The following RAB3GAP1 variants were observed in gnomAD, a reference collection of about 807,000 sequenced individuals.
RAB3GAP1 encodes RAB3 GTPase activating protein catalytic subunit 1.
Under a neutral mutation model 130.7 loss-of-function variants are expected in RAB3GAP1, and 86 were observed. That is an observed-to-expected ratio of 0.66 (90% confidence interval 0.55 to 0.79). The LOEUF (loss-of-function observed/expected upper bound fraction) is 0.79. Ranked by LOEUF, RAB3GAP1 falls within the 30% of genes least tolerant of loss-of-function variation. The pLI is 0.00. For synonymous variants in RAB3GAP1, 367 were observed against 401.7 expected (o/e 0.91, Z 1.03); for missense variants, 1,029 against 1,169.4 (o/e 0.88, Z 1.75).
intron 5 of RAB3GAP1, among the ~76,000 whole-genome samples, chr2:135,104,523 T>A (rs1458288572): frequency 6.6e-6 from 1 of 152,032 alleles, no homozygotes; most frequent in Non-Finnish European, 1.5e-5. Flanking sequence ...AACAGTGAGT[T>A]ACATAGGAAT....
chr2:135,072,526 A>G (rs1409793851), intron 3 of RAB3GAP1, among the ~76,000 whole-genome samples: 1 of 152,250 alleles, frequency 6.6e-6, no homozygotes, highest in Non-Finnish European at 1.5e-5. Flanking sequence ...TAGACACAAC[A>G]TAGGGAACCA....
chr2:135,057,727 C>T (rs549727892), intron 2 of RAB3GAP1, among the ~76,000 whole-genome samples: 1 of 152,188 alleles, frequency 6.6e-6, no homozygotes, highest in East Asian at 1.9e-4. Flanking sequence ...TTGTTTTATT[C>T]GTTTTATTAG....
chr2:135,083,654 A>G (rs1356674622), intron 3 of RAB3GAP1, among the ~76,000 whole-genome samples: 1 of 147,522 alleles, frequency 6.8e-6, no homozygotes, highest in Non-Finnish European at 1.5e-5. Context: ...TCGGTTAGGG[A>G]TGGAGTGTCA....
At chr2:135,106,768 T>TAAAAAAAAAAAAAAA (rs1690637700) in intron 5 of RAB3GAP1, among the ~76,000 whole-genome samples, 1 of 61,468 alleles carries the variant, frequency 1.6e-5, no homozygotes, top group Non-Finnish European at 3.5e-5. Flanking sequence ...AAAAAAAAAA[T>TAAAAAAAAAAAAAAA]AAAAAAATAA....
intron 3 of RAB3GAP1, among the ~76,000 whole-genome samples, chr2:135,083,532 T>A (rs1689887763): frequency 6.6e-6 from 1 of 151,984 alleles, no homozygotes; most frequent in Non-Finnish European, 1.5e-5. Flanking sequence ...ACAATCATAG[T>A]TTACTGTAAC....
rs993205722 is a variant in RAB3GAP1 at position 135,140,179 on chromosome 2, T to C, written c.1923+4247T>C. Among the ~76,000 whole-genome samples the C allele has an allele frequency of 3.9e-5, 6 of 152,234 alleles. 1 individual carries two copies. The South Asian group carries it at 1.2e-3, about 32-fold the overall frequency. ...TATTTGGGTTGTTTTCACTTTGGGC[T>C]AATATGAATAAAGCTGCTGTGAACA... is the stretch of plus-strand genomic sequence containing the variant. On this transcript the variant is annotated intron_variant, in intron 17 of 23. Coordinates refer to ENST00000264158, the MANE Select transcript of RAB3GAP1 (RefSeq NM_012233.3).
At chr2:135,091,404 T>C (rs1690137315) in intron 4 of RAB3GAP1, among the ~76,000 whole-genome samples, 1 of 152,156 alleles carries the variant, frequency 6.6e-6, no homozygotes, top group African/African-American at 2.4e-5. Flanking sequence ...GATAAGTAAG[T>C]AACCATAATG....
intron 5 of RAB3GAP1, among the ~76,000 whole-genome samples, chr2:135,110,120 A>G (rs1184952168): frequency 6.6e-6 from 1 of 151,752 alleles, no homozygotes; most frequent in Non-Finnish European, 1.5e-5. Flanking sequence ...ATTTATCAAG[A>G]GTGATATTTG....
chr2:135,161,882 A>T (rs1692475563), intron 19 of RAB3GAP1, among the ~76,000 whole-genome samples: 1 of 151,896 alleles, frequency 6.6e-6, no homozygotes, highest in African/African-American at 2.4e-5. Flanking sequence ...CATCACCTGT[A>T]TTTTTTTTAA....
At chr2:135,098,652 A>G (rs563762604) in intron 5 of RAB3GAP1, among the ~76,000 whole-genome samples, 2 of 152,266 alleles carry the variant, frequency 1.3e-5, no homozygotes, top group South Asian at 2.1e-4. Flanking sequence ...ATTCTTTCCA[A>G]AAACCCCTAA....
At chr2:135,110,869 A>G (rs1244209578) in intron 5 of RAB3GAP1, among the ~76,000 whole-genome samples, 6 of 152,218 alleles carry the variant, frequency 3.9e-5, no homozygotes, top group Admixed American at 3.9e-4. Context: ...TAAATGGAAC[A>G]TTTCTGGAAG....
At chr2:135,161,132 A>C (rs1692454960) in intron 19 of RAB3GAP1, among the ~76,000 whole-genome samples, 1 of 152,224 alleles carries the variant, frequency 6.6e-6, no homozygotes, top group Non-Finnish European at 1.5e-5. Context: ...TAAGAATGTA[A>C]ATCTGTTGAA....
chr2:135,073,789 A>G (rs1689545178), intron 3 of RAB3GAP1, among the ~76,000 whole-genome samples: 1 of 152,112 alleles, frequency 6.6e-6, no homozygotes, highest in Admixed American at 6.6e-5. Context: ...TTTCTTTTTG[A>G]GAGTCTGAGG....
intron 5 of RAB3GAP1, among the ~76,000 whole-genome samples, chr2:135,095,372 C>T (rs980882566): frequency 8.5e-5 from 13 of 152,252 alleles, no homozygotes; most frequent in Middle Eastern, 3.4e-3. Context: ...TTAAGGATAG[C>T]GGTCACAGGC....
chr2:135,130,213 T>G, intron 12 of RAB3GAP1, 126 bp downstream of exon 12: 1 of 804,030 alleles, frequency 1.2e-6, no homozygotes, highest in Non-Finnish European at 2.1e-6. Context: ...TTTGATGGAC[T>G]AGACAGCTAC....
At chr2:135,086,585 T>A (rs192797154) in intron 3 of RAB3GAP1, among the ~76,000 whole-genome samples, 2 of 152,020 alleles carry the variant, frequency 1.3e-5, no homozygotes, top group African/African-American at 2.4e-5. Context: ...TTTTTTATTA[T>A]CCTCATATAT....
intron 5 of RAB3GAP1, among the ~76,000 whole-genome samples, 166 bp from the exon 6 acceptor site, chr2:135,112,982 GCTT>G (rs1415433778): frequency 6.6e-6 from 1 of 152,162 alleles, no homozygotes; most frequent in Non-Finnish European, 1.5e-5. Flanking sequence ...TGATGGAAGT[GCTT>G]CTTAAAGTTG....
chr2:135,069,687 G>A (rs561299099), intron 3 of RAB3GAP1, among the ~76,000 whole-genome samples: 2 of 152,126 alleles, frequency 1.3e-5, no homozygotes, highest in East Asian at 3.9e-4. Context: ...ACTTCTTTTT[G>A]TTCGTTTTAT....
chr2:135,142,130 G>C (rs1377272502), intron 17 of RAB3GAP1, among the ~76,000 whole-genome samples: 1 of 152,138 alleles, frequency 6.6e-6, no homozygotes, highest in African/African-American at 2.4e-5. Context: ...TGAATTTGTA[G>C]ATCAATTTAT....
Sources: gnomAD v4.1 joint callset for allele counts (sites outside exome capture counted in the v4.1 genomes callset) on GRCh38, gnomAD v4.1.1 for gene constraint, MANE v1.5 for transcripts, NCBI Gene and HGNC (gene_info 2026-07-23, HGNC 2026-07-21) for gene names.